Variants in RBFOX1 observed in about 807,000 individuals in gnomAD.
RBFOX1 encodes RNA binding fox-1 homolog 1, also known as RNA binding protein fox-1 homolog 1.
Under a neutral mutation model 57.7 loss-of-function variants are expected in RBFOX1, and 8 were observed. The ratio of observed to expected loss-of-function variants is 0.14; its 90% CI spans 0.08 to 0.25. RBFOX1 has a LOEUF of 0.25. Ranked by LOEUF, RBFOX1 falls within the 10% of genes least tolerant of loss-of-function variation. RBFOX1 has a pLI of 1.00. For synonymous variants in RBFOX1, 326 were observed against 222.4 expected, an observed-to-expected ratio of 1.47 and a Z score of -4.15; for missense variants, 611 against 548.5, an observed-to-expected ratio of 1.11 and a Z score of -1.14.
intron 2 of RBFOX1, among the ~76,000 whole-genome samples, chr16:6,637,178 ATAT>A (rs1338790046): frequency 6.6e-5 from 5 of 76,018 alleles, no homozygotes; most frequent in Non-Finnish European, 6.8e-5. Flanking sequence ...TATATATATT[ATAT>A]AATATACAAT....
intron 3 of RBFOX1, among the ~76,000 whole-genome samples, chr16:6,696,667 A>G (rs929128872): frequency 1.2e-4 from 18 of 146,942 alleles, no homozygotes; most frequent in Non-Finnish European, 1.6e-4. Flanking sequence ...TCCTTCAGAT[A>G]TGAACAGTTT....
At chr16:6,673,169 C>T (rs1277592686) in intron 3 of RBFOX1, among the ~76,000 whole-genome samples, 3 of 152,194 alleles carry the variant, frequency 2.0e-5, no homozygotes, top group African/African-American at 4.8e-5. Flanking sequence ...TTCCCAGGCT[C>T]ATCATTTTAT....
chr16:5,419,174 G>A (rs911144650), intron 1 of RBFOX1, among the ~76,000 whole-genome samples: 11 of 152,186 alleles, frequency 7.2e-5, no homozygotes, highest in Non-Finnish European at 1.3e-4. Flanking sequence ...TAGAGAAACA[G>A]AACTAATCAG....
In RBFOX1 at chr16:6,358,688, A is replaced by T. The variant is rs80031571; in HGVS notation, c.-64+41631A>T. Among the ~76,000 whole-genome samples the T allele has an allele frequency of 9.4e-3, 1,428 of 152,298 alleles. 29 individuals carry two copies. The highest frequency in any genetic ancestry group is 0.03 in the African/African-American group (1,233 of 41,566). ...ACCCTAATGTCAGAGAGGTTAAGTG[A>T]CTTTCCAAGCTTGCAAGGCTAGTAA... On this transcript the variant is annotated intron_variant, in intron 2 of 15. Coordinates refer to ENST00000550418, the MANE Select transcript of RBFOX1 (RefSeq NM_018723.4).
At chr16:5,339,698 C>T (rs757470730) in intron 1 of RBFOX1, among the ~76,000 whole-genome samples, 9 of 151,832 alleles carry the variant, frequency 5.9e-5, no homozygotes, top group Middle Eastern at 3.4e-3. Flanking sequence ...AGGCTGGTCT[C>T]GAACTCCTGA....
At chr16:6,068,310 A>C (rs1272031440) in intron 1 of RBFOX1, among the ~76,000 whole-genome samples, 1 of 152,158 alleles carries the variant, frequency 6.6e-6, no homozygotes, top group Non-Finnish European at 1.5e-5. Context: ...TCGCACTAAC[A>C]CAGCCTTCTG....
At chr16:6,602,757 T>G (rs572715418) in intron 2 of RBFOX1, among the ~76,000 whole-genome samples, 1 of 152,252 alleles carries the variant, frequency 6.6e-6, no homozygotes, top group African/African-American at 2.4e-5. Context: ...GCTTTATCCC[T>G]TCTGTGCATT....
intron 4 of RBFOX1, among the ~76,000 whole-genome samples, chr16:5,901,706 G>A (rs1321624539): frequency 1.3e-5 from 2 of 152,214 alleles, no homozygotes; most frequent in African/African-American, 2.4e-5. Flanking sequence ...ACATCAGAGA[G>A]CAAGGTTATA....
chr16:7,470,429 A>G (rs1049340626), intron 4 of RBFOX1, among the ~76,000 whole-genome samples: 2 of 152,158 alleles, frequency 1.3e-5, no homozygotes, highest in East Asian at 1.9e-4. Flanking sequence ...GGATAGAGGG[A>G]TGGTTGGATG....
At chr16:5,552,541 T>G (rs2151086126) in intron 2 of RBFOX1, among the ~76,000 whole-genome samples, 1 of 152,292 alleles carries the variant, frequency 6.6e-6, no homozygotes, top group East Asian at 1.9e-4. Context: ...AGAGAAGTGG[T>G]TAGAAGCCTG....
At chr16:7,129,452 A>G (rs2069593045) in intron 4 of RBFOX1, among the ~76,000 whole-genome samples, 1 of 152,144 alleles carries the variant, frequency 6.6e-6, no homozygotes, top group Non-Finnish European at 1.5e-5. Context: ...TCAGGTGACA[A>G]AATAATATCC....
intron 2 of RBFOX1, among the ~76,000 whole-genome samples, chr16:6,379,827 G>A (rs373545391): frequency 7.9e-5 from 12 of 152,276 alleles, no homozygotes; most frequent in African/African-American, 2.6e-4. Flanking sequence ...AGGGGGATAT[G>A]TTAGAGGAGT....
chr16:6,209,505 G>A (rs2097278407), intron 1 of RBFOX1, among the ~76,000 whole-genome samples: 1 of 152,194 alleles, frequency 6.6e-6, no homozygotes, highest in Admixed American at 6.5e-5. Flanking sequence ...GGTATCAGGG[G>A]CCAAGGCCAA....
chr16:5,358,495 G>A (rs781526732), intron 1 of RBFOX1, among the ~76,000 whole-genome samples: 8 of 152,162 alleles, frequency 5.3e-5, no homozygotes, highest in Admixed American at 5.2e-4. Flanking sequence ...GGCATGCAAT[G>A]TGTAATAATC....
intron 4 of RBFOX1, among the ~76,000 whole-genome samples, chr16:7,300,456 C>T (rs1843649808): frequency 6.6e-6 from 1 of 152,164 alleles, no homozygotes; most frequent in Non-Finnish European, 1.5e-5. Context: ...TATTGTCGTC[C>T]ACATTAAATT....
chr16:6,333,655 G>A (rs1036972369), intron 2 of RBFOX1, among the ~76,000 whole-genome samples: 1 of 152,092 alleles, frequency 6.6e-6, no homozygotes, highest in Non-Finnish European at 1.5e-5. Context: ...ATGGATACAG[G>A]CTTATTTTCG....
At chr16:7,363,024 C>G (rs1404796335) in intron 4 of RBFOX1, among the ~76,000 whole-genome samples, 1 of 152,174 alleles carries the variant, frequency 6.6e-6, no homozygotes, top group African/African-American at 2.4e-5. Context: ...TCTCCTGAGG[C>G]TTAAGCAGGA....
intron 1 of RBFOX1, among the ~76,000 whole-genome samples, chr16:6,279,514 A>G (rs1197564578): frequency 2.0e-5 from 3 of 152,180 alleles, no homozygotes; most frequent in African/African-American, 7.2e-5. Context: ...TGGAAACTTT[A>G]AACAATTGGG....
intron 3 of RBFOX1, among the ~76,000 whole-genome samples, chr16:6,861,858 G>GTTTTTTTTTTTTTTTTTTTTTT (rs2059082018): frequency 2.7e-5 from 1 of 36,734 alleles, no homozygotes; most frequent in Non-Finnish European, 4.7e-5. Flanking sequence ...TTTTTTTTTG[G>GTTTTTTTTTTTTTTTTTTTTTT]TCTAGCTTGC....
Sources: allele counts gnomAD v4.1 joint callset (sites outside exome capture counted in the v4.1 genomes callset), GRCh38; gene constraint gnomAD v4.1.1; transcripts MANE v1.5; gene names NCBI Gene and HGNC (gene_info 2026-07-23, HGNC 2026-07-21).